Variants in RARB observed in about 807,000 individuals in gnomAD.
RARB encodes the protein HBV-activated protein.
In RARB, 17 loss-of-function variants were observed where a neutral mutation model predicts 51.9. The ratio of observed to expected loss-of-function variants is 0.33; its 90% confidence interval spans 0.22 to 0.49. The LOEUF (loss-of-function observed/expected upper bound fraction) is 0.49, where lower values mean the gene tolerates loss of function less well. Ranked by LOEUF, RARB falls within the 20% of genes least tolerant of loss-of-function variation. The probability of loss-of-function intolerance (pLI) is 0.99; values close to 1 mark genes in which losing one functional copy is unlikely to be tolerated. For missense variants in RARB, 369 were observed against 550.8 expected (o/e 0.67, Z 3.30); for synonymous variants, 215 against 195.4 (o/e 1.10, Z -0.84).
intron 2 of RARB, among the ~76,000 whole-genome samples, chr3:24,886,320 G>A (rs1304933461): frequency 6.6e-6 from 1 of 152,158 alleles, no homozygotes; most frequent in East Asian, 1.9e-4. Flanking sequence ...CCCTGACAGT[G>A]TGAGGCACCC....
intron 3 of RARB, among the ~76,000 whole-genome samples, chr3:25,511,117 AT>A (rs1172784875): frequency 6.8e-6 from 1 of 146,508 alleles, no homozygotes; most frequent in African/African-American, 2.7e-5. Flanking sequence ...AACCCTGTTT[AT>A]TTTTTGTTTT....
At chr3:24,917,048 T>TA (rs1195551967) in intron 2 of RARB, among the ~76,000 whole-genome samples, 1 of 152,226 alleles carries the variant, frequency 6.6e-6, no homozygotes, top group African/African-American at 2.4e-5. Flanking sequence ...CTGCAAATGT[T>TA]AAAAATTGTC....
intron 2 of RARB, among the ~76,000 whole-genome samples, chr3:25,490,520 G>C (rs1696678921): frequency 6.6e-6 from 1 of 152,116 alleles, no homozygotes; most frequent in Non-Finnish European, 1.5e-5. Flanking sequence ...CTTTGGTAAA[G>C]GGTTTCAGTA....
At chr3:25,152,704 C>T (rs957369395) in intron 4 of RARB, among the ~76,000 whole-genome samples, 3 of 152,212 alleles carry the variant, frequency 2.0e-5, no homozygotes, top group Non-Finnish European at 2.9e-5. Flanking sequence ...AAAGGCTCTA[C>T]ATATTAGACT....
At chr3:25,181,514 G>C (rs1447246442) in intron 5 of RARB, among the ~76,000 whole-genome samples, 1 of 152,112 alleles carries the variant, frequency 6.6e-6, no homozygotes, top group African/African-American at 2.4e-5. Flanking sequence ...GCGCTGTAGA[G>C]ATTTAGTGGG....
intron 2 of RARB, among the ~76,000 whole-genome samples, chr3:25,472,451 C>A (rs772565426): frequency 5.3e-5 from 8 of 152,156 alleles, no homozygotes; most frequent in Non-Finnish European, 1.0e-4. Flanking sequence ...TACAGACCTA[C>A]TTTTAGGGAA....
intron 3 of RARB, among the ~76,000 whole-genome samples, chr3:25,509,879 C>G (rs938244292): frequency 6.6e-6 from 1 of 152,186 alleles, no homozygotes; most frequent in African/African-American, 2.4e-5. Context: ...CACCTTCCAT[C>G]TCTCCTCTGC....
At chr3:24,928,975 C>T (rs1000728908) in intron 2 of RARB, among the ~76,000 whole-genome samples, 1 of 151,962 alleles carries the variant, frequency 6.6e-6, no homozygotes, top group African/African-American at 2.4e-5. Context: ...CAGAGATGAT[C>T]ACCATTAGTA....
chr3:25,220,815 C>G (rs935815391), intron 5 of RARB, among the ~76,000 whole-genome samples: 1 of 152,138 alleles, frequency 6.6e-6, no homozygotes, highest in Non-Finnish European at 1.5e-5. Context: ...GATGAATACA[C>G]TAAGTCAGCC....
chr3:25,465,192 G>A (rs941238447), intron 2 of RARB, among the ~76,000 whole-genome samples: 9 of 152,070 alleles, frequency 5.9e-5, no homozygotes, highest in East Asian at 3.9e-4. Flanking sequence ...AAATCCTTTC[G>A]GAAAGTATCT....
At chr3:25,584,406 T>C (rs568694965) in intron 5 of RARB, among the ~76,000 whole-genome samples, 1 of 152,304 alleles carries the variant, frequency 6.6e-6, no homozygotes, top group East Asian at 1.9e-4. Flanking sequence ...AAAGGAGGGC[T>C]GGGGCTTGTT....
chr3:24,923,420 T>G (rs1296045994), intron 2 of RARB, among the ~76,000 whole-genome samples: 1 of 152,056 alleles, frequency 6.6e-6, no homozygotes, highest in Non-Finnish European at 1.5e-5. Flanking sequence ...TAATTAGTGA[T>G]GTACTAAATC....
intron 2 of RARB, among the ~76,000 whole-genome samples, chr3:25,055,129 CAAATT>C (rs1421280667): frequency 1.3e-5 from 2 of 152,042 alleles, no homozygotes; most frequent in African/African-American, 4.8e-5. Flanking sequence ...TCAAGAGTAA[CAAATT>C]AAAAGCCAAA....
At chr3:25,575,876 G>A (rs530867564) in intron 4 of RARB, among the ~76,000 whole-genome samples, 49 of 152,306 alleles carry the variant, frequency 3.2e-4, no homozygotes, top group African/African-American at 1.1e-3. Context: ...AGTGAGTGCA[G>A]AACTGGAGTG....
At chr3:25,027,054 TCA>T (rs1697764507) in intron 2 of RARB, among the ~76,000 whole-genome samples, 1 of 147,902 alleles carries the variant, frequency 6.8e-6, no homozygotes. Context: ...CAATGGGCTC[TCA>T]AGAGCTGTAC....
At chr3:25,086,800 G>T (rs935713690) in intron 3 of RARB, among the ~76,000 whole-genome samples, 1 of 152,018 alleles carries the variant, frequency 6.6e-6, no homozygotes, top group Non-Finnish European at 1.5e-5. Context: ...TTGATAGAAG[G>T]GAGTATCTGG....
At chr3:25,303,636 G>T (rs769243149) in intron 5 of RARB, among the ~76,000 whole-genome samples, 1 of 152,110 alleles carries the variant, frequency 6.6e-6, no homozygotes, top group Non-Finnish European at 1.5e-5. Context: ...ATTCTTTTCT[G>T]CATGGTGCTG....
At chr3:24,940,063 G>A (rs114258869) in intron 2 of RARB, among the ~76,000 whole-genome samples, 2,913 of 152,224 alleles carry the variant, frequency 0.019, 92 homozygotes, top group African/African-American at 0.067. Flanking sequence ...TGACTGTGTA[G>A]AGTTAAAGTA....
chr3:25,122,295 A>C (rs1699796824), intron 3 of RARB, among the ~76,000 whole-genome samples: 1 of 152,088 alleles, frequency 6.6e-6, no homozygotes, highest in African/African-American at 2.4e-5. Context: ...GTAATGATTA[A>C]GAATAAAATG....
Sources: gnomAD v4.1 joint callset for allele counts (sites outside exome capture counted in the v4.1 genomes callset) on GRCh38, gnomAD v4.1.1 for gene constraint, MANE v1.5 for transcripts, NCBI Gene and HGNC (gene_info 2026-07-23, HGNC 2026-07-21) for gene names.